The following COL5A1 variants were observed in gnomAD, a reference collection of about 807,000 sequenced individuals.
The protein encoded by COL5A1 is collagen type V alpha 1 chain.
Under a neutral mutation model 263.7 loss-of-function variants are expected in COL5A1, and 16 were observed. The observed-to-expected ratio is 0.06, with a 90% CI of 0.04 to 0.09. COL5A1 has a LOEUF of 0.09. COL5A1 is among the 10% of genes least tolerant of loss of function. The pLI, the probability that COL5A1 is intolerant of heterozygous loss-of-function variation, is 1.00. For missense variants in COL5A1, 2,036 were observed against 2,540.5 expected (o/e 0.80, Z 4.27); for synonymous variants, 1,012 against 1,004.5 (o/e 1.01, Z -0.14).
chr9:134,661,845 C>A (rs771464031), intron 1 of COL5A1, among the ~76,000 whole-genome samples: 1 of 152,182 alleles, frequency 6.6e-6, no homozygotes, highest in Non-Finnish European at 1.5e-5. Flanking sequence ...GCTGTTCCTC[C>A]GACCGCTTCT....
intron 4 of COL5A1, among the ~76,000 whole-genome samples, chr9:134,719,437 C>A (rs927620667): frequency 2.7e-4 from 41 of 152,266 alleles, no homozygotes; most frequent in Admixed American, 2.6e-4. Context: ...CGTATGTATG[C>A]ACACACACAG....
At chr9:134,675,652 C>T (rs903045971) in intron 1 of COL5A1, among the ~76,000 whole-genome samples, 3 of 152,208 alleles carry the variant, frequency 2.0e-5, no homozygotes, top group Non-Finnish European at 4.4e-5. Context: ...CCTTTGTGTG[C>T]TCCACATGAC....
In COL5A1 at chr9:134,678,082, C is replaced by A. The variant is rs758415085; in HGVS notation, c.110-12830C>A. Among the ~76,000 whole-genome samples the A allele has an allele frequency of 2.6e-4, 40 of 152,242 alleles. No homozygotes were observed. Among genetic ancestry groups the A allele is most frequent in the Non-Finnish European group, 5.7e-4 (39 of 68,050 alleles). On this transcript the variant is annotated intron_variant, in intron 1 of 65. Transcript: ENST00000371817. This position sits in a 1 kb window ranked among gnomAD's most constrained non-coding sequence, Gnocchi z 5.5. ...CCCCAGTGCTCTCCCCAGCGTCACT[C>A]CCTCCGCAGCAGGGTATCTGCAGGG...
intron 4 of COL5A1, among the ~76,000 whole-genome samples, chr9:134,704,015 G>A (rs1194953820): frequency 6.6e-6 from 1 of 152,124 alleles, no homozygotes; most frequent in Non-Finnish European, 1.5e-5. Flanking sequence ...GTGTTCTGTT[G>A]TAAAGATTCA....
intron 16 of COL5A1, among the ~76,000 whole-genome samples, chr9:134,756,161 G>C (rs1384357295): frequency 3.3e-5 from 5 of 152,190 alleles, no homozygotes; most frequent in Admixed American, 3.3e-4. Flanking sequence ...CCCATGGCCA[G>C]TCAGTTGGGC....
intron 27 of COL5A1, among the ~76,000 whole-genome samples, chr9:134,778,384 T>G (rs567623850): frequency 8.5e-5 from 13 of 152,250 alleles, no homozygotes; most frequent in Non-Finnish European, 1.9e-4. Context: ...CAGGCTGTTC[T>G]GAGCCTCCTC....
chr9:134,824,498 G>A, intron 61 of COL5A1, 102 bp from the exon 62 acceptor site: 2 of 1,494,160 alleles, frequency 1.3e-6, no homozygotes, highest in Middle Eastern at 1.7e-4. Flanking sequence ...CCAGGCCCCA[G>A]GGAACCCCTG....
chr9:134,788,727 G>C (rs547859984), intron 31 of COL5A1, among the ~76,000 whole-genome samples: 13 of 147,748 alleles, frequency 8.8e-5, no homozygotes, highest in African/African-American at 3.2e-4. Context: ...ATGGGTAGGT[G>C]GGCAGATGGG....
Position 134,813,975 on chromosome 9 carries a change from C to T in COL5A1, c.3853-8C>T. The stretch of plus-strand genomic sequence containing the variant: ...CCGCTGCCATAACCACATGCACTGT[C>T]TCCCTAGGGCGAGCCTGGCGAAGCA... On this transcript the variant is annotated splice_polypyrimidine_tract_variant and splice_region_variant and intron_variant, in intron 48 of 65. Transcript: ENST00000371817. 6.4e-7 allele frequency: 1 copy of T among 1,550,986 alleles called. No homozygotes were observed.
intron 37 of COL5A1, among the ~76,000 whole-genome samples, chr9:134,800,668 C>A (rs1838077778): frequency 7.0e-6 from 1 of 143,200 alleles, no homozygotes; most frequent in South Asian, 2.2e-4. Context: ...TCGCTTGAAT[C>A]CGGGAGGTGG....
Position 134,713,089 on chromosome 9 carries a change from C to T in COL5A1, c.654+11756C>T, listed in dbSNP as rs1333871175. Among the ~76,000 whole-genome samples, 4 of 152,218 alleles carry T rather than the reference C, an allele frequency of 2.6e-5. No individual in the cohort carries two copies. The South Asian group carries it at 6.2e-4, about 24-fold the overall frequency. ...CTGGGAGGCTGTGTGTTTGGAAATA[C>T]TTTTTGGAGCTGAGAAGTGCAGGTT... On this transcript the variant is annotated intron_variant, in intron 4 of 65. Transcript: ENST00000371817.
rs529308830 is a variant in COL5A1 at position 134,758,460 on chromosome 9, C to T, written c.1935+164C>T. 2.6e-5 allele frequency among the ~76,000 whole-genome samples: 4 copies of T among 152,228 alleles called. No individual in the cohort carries two copies. The highest frequency in any genetic ancestry group is 3.9e-4 in the East Asian group (2 of 5,178). ...CACGGGAGTCAGCAATGGCAGTGAG[C>T]CCCAAGATGATGTCTTTGTTGATGG... is the stretch of plus-strand genomic sequence containing the variant. On this transcript the variant is annotated intron_variant, in intron 18 of 65. Transcript: ENST00000371817. This position sits in a 1 kb window ranked among gnomAD's most constrained non-coding sequence, Gnocchi z 4.1.
chr9:134,665,538 G>T (rs190591752), intron 1 of COL5A1, among the ~76,000 whole-genome samples: 72 of 152,340 alleles, frequency 4.7e-4, no homozygotes, highest in African/African-American at 1.7e-3. Context: ...CATACAAATT[G>T]GGACTCGTGT....
intron 33 of COL5A1, 65 bp downstream of exon 33, chr9:134,795,191 C>T (rs1207406165): frequency 6.2e-6 from 10 of 1,612,906 alleles, no homozygotes; most frequent in South Asian, 5.5e-5. Flanking sequence ...GAGCACGTGC[C>T]AGGGGCTGGG....
At chr9:134,749,352 G>A (rs1426776172) in intron 11 of COL5A1, among the ~76,000 whole-genome samples, 3 of 152,228 alleles carry the variant, frequency 2.0e-5, no homozygotes, top group Non-Finnish European at 4.4e-5. Context: ...CAGAACTTGA[G>A]CACTGGTTAC....
At chr9:134,825,928 GC>G in intron 63 of COL5A1, 24 bp downstream of exon 63, 1 of 1,525,390 alleles carries the variant, frequency 6.6e-7, no homozygotes, top group Non-Finnish European at 9.1e-7. Context: ...TCCCTCCATG[GC>G]CCCAGCGGGG....
intron 1 of COL5A1, among the ~76,000 whole-genome samples, chr9:134,675,009 A>C (rs1832647279): frequency 6.6e-6 from 1 of 152,244 alleles, no homozygotes; most frequent in African/African-American, 2.4e-5. Flanking sequence ...AATTATTAAT[A>C]AATGAAATAA....
At chr9:134,817,891 G>T in intron 54 of COL5A1, 60 bp downstream of exon 54, 2 of 1,506,014 alleles carry the variant, frequency 1.3e-6, no homozygotes, top group Non-Finnish European at 9.1e-7. Context: ...AGCCCAGAGG[G>T]TGGGGAGTGG....
Position 134,821,438 on chromosome 9 carries a change from T to C in COL5A1, c.4555-659T>C, listed in dbSNP as rs566620194. ...TACGGCCATCAGCCCTCCGCTACCC[T>C]CGCCCCCAGCTTCTGCCCGGAGAGA... On this transcript the variant is annotated intron_variant, in intron 58 of 65. Transcript: ENST00000371817. The surrounding 1 kb of genome is among the most constrained non-coding windows in gnomAD (Gnocchi z 4.2). Among the ~76,000 whole-genome samples, 233 of 152,142 alleles carry C rather than the reference T, an allele frequency of 1.5e-3. No homozygotes were observed. The highest frequency in any genetic ancestry group is 3.1e-3 in the Admixed American group (47 of 15,282).
Sources: allele counts gnomAD v4.1 joint callset (sites outside exome capture counted in the v4.1 genomes callset), GRCh38; gene constraint gnomAD v4.1.1; non-coding constraint Gnocchi (gnomAD v3.1); transcripts MANE v1.5; gene names NCBI Gene and HGNC (gene_info 2026-07-23, HGNC 2026-07-21).